CEP68: variants seen among roughly 807,000 people sequenced by gnomAD.
CEP68 encodes the protein centrosomal protein of 68 kDa.
Under a neutral mutation model 55.3 loss-of-function variants are expected in CEP68, and 26 were observed. The observed-to-expected ratio is 0.47, with a 90% CI of 0.34 to 0.65. The LOEUF is 0.65. Ranked by LOEUF, CEP68 falls within the 30% of genes least tolerant of loss-of-function variation. CEP68 has a pLI of 0.01. For synonymous variants in CEP68, 402 were observed against 383.2 expected, an observed-to-expected ratio of 1.05 and a Z score of -0.57; for missense variants, 957 against 946.7, an observed-to-expected ratio of 1.01 and a Z score of -0.14.
chr2:65,073,373 G>A (rs922942454), intron 3 of CEP68: 3 of 309,622 alleles, frequency 9.7e-6, no homozygotes, highest in Non-Finnish European at 1.9e-5. Context: ...ACAAAGGTAA[G>A]TGGCTTTCTT....
At position 65,084,827 on chromosome 2, in the gene CEP68, C is replaced by T. The variant is rs1668980878; in HGVS notation, c.*1193C>T. ...CACATAAAATGCAGTATTTCAAGTG[C>T]CTGATGCTGCTGTGGTATGCTTTAT... On this transcript the variant is annotated 3_prime_UTR_variant, in exon 7 of 7. Coordinates refer to ENST00000377990, the MANE Select transcript of CEP68 (RefSeq NM_015147.3). 1 of 152,164 alleles carries T rather than the reference C, an allele frequency of 6.6e-6. No homozygotes were observed. Among genetic ancestry groups the T allele is most frequent in the Non-Finnish European group, 1.5e-5 (1 of 68,014 alleles). 9.4% of individuals were successfully genotyped at this position (152,164 alleles called of 1,614,324 possible).
At chr2:65,061,242 G>T (rs898472723) in intron 1 of CEP68, among the ~76,000 whole-genome samples, 1 of 152,164 alleles carries the variant, frequency 6.6e-6, no homozygotes, top group Non-Finnish European at 1.5e-5. Context: ...GGCCTTGCTG[G>T]GAGGCTGTCT....
intron 5 of CEP68, chr2:65,080,556 C>A (rs371279145): frequency 2.0e-6 from 2 of 985,034 alleles, no homozygotes; most frequent in East Asian, 1.1e-4. Context: ...CAGTGGCTCA[C>A]GCCTGTAATC....
chr2:65,069,194 G>A (rs984337238), intron 1 of CEP68, among the ~76,000 whole-genome samples: 3 of 152,226 alleles, frequency 2.0e-5, no homozygotes, highest in African/African-American at 7.2e-5. Context: ...AAAGCAGAGG[G>A]GAAATGGTGT....
intron 4 of CEP68, chr2:65,075,347 G>GA (rs923760647): frequency 6.6e-6 from 1 of 151,940 alleles, no homozygotes; most frequent in Non-Finnish European, 1.5e-5. Flanking sequence ...AGGCTACAGT[G>GA]AGCCAAAATC....
chr2:65,074,138 G>A lies in CEP68; in HGVS notation c.1885-144G>A, dbSNP rs527324548. On this transcript the variant is annotated intron_variant, in intron 3 of 6. Transcript: ENST00000377990. Reference sequence around the variant, plus strand: ...TGGCAGAGGGAGGTACAGAGTCGTGGAGTCGGGACAGGTGAGCAAGGAGGA... The same window carrying A: ...TGGCAGAGGGAGGTACAGAGTCGTGAAGTCGGGACAGGTGAGCAAGGAGGA... 1.4e-4 allele frequency: 121 copies of A among 867,656 alleles called. 1 individual carries two copies. Among genetic ancestry groups the A allele is most frequent in the South Asian group, 1.8e-4 (11 of 60,234 alleles). 53.7% of individuals were successfully genotyped at this position (867,656 alleles called of 1,614,324 possible). A position where few individuals can be genotyped will look rare whatever the true frequency, so the allele number is the denominator to read the frequency against.
At chr2:65,071,378 C>T (rs1236380257) in intron 2 of CEP68, 76 bp from the exon 3 acceptor site, 1 of 1,270,536 alleles carries the variant, frequency 7.9e-7, no homozygotes, top group Admixed American at 1.8e-5. Flanking sequence ...CACAAGGAAA[C>T]TCCTGGGTTG....
At chr2:65,080,346 G>C (rs915972874) in intron 5 of CEP68, 1 of 985,064 alleles carries the variant, frequency 1.0e-6, no homozygotes, top group African/African-American at 1.8e-5. Context: ...AATCAGGAAT[G>C]TGGCTGTTTC....
chr2:65,076,421 G>A lies in CEP68; in HGVS notation c.2008-1447G>A, dbSNP rs148918454. On this transcript the variant is annotated intron_variant, in intron 4 of 6. Coordinates refer to ENST00000377990, the MANE Select transcript of CEP68 (RefSeq NM_015147.3). ...CTGAGATTTGAGCTGGGAGTCACTC[G>A]TGCAGGTCAGTGAGGCATAGGCCTC... Among the ~76,000 whole-genome samples the A allele has an allele frequency of 2.2e-4, 34 of 152,280 alleles. No individual in the cohort carries two copies. In the East Asian group the frequency reaches 6.4e-3, roughly 29 times the overall value.
In CEP68 at chr2:65,082,572, C is replaced by A; in HGVS notation, c.2141C>A (p.Ser714Tyr). ...GTCCTTGGGAGGATCGCAAAGCAGT[C>A]TGGTGAGCTGGAGAGCCACGCAGAT... is the stretch of plus-strand genomic sequence containing the variant. ...EDVLGRIAKQ[S>Y]GELESHADRL... The change falls in exon 6 of 7, where the codon TCT becomes TAT. Residue 714 changes from serine (S) to tyrosine (Y), a missense_variant. By Grantham distance (144) the Ser-to-Tyr change is moderately radical (BLOSUM62 -2). Coordinates refer to ENST00000377990, the MANE Select transcript of CEP68 (RefSeq NM_015147.3). The A allele has an allele frequency of 1.3e-6, 2 of 1,595,296 alleles. No individual in the cohort carries two copies. The highest frequency in any genetic ancestry group is 2.2e-5 in the East Asian group (1 of 44,450).
Position 65,072,827 on chromosome 2 carries a change from C to T in CEP68, c.1731C>T (p.Ser577=), listed in dbSNP as rs375795380. The part of the protein sequence containing the change: ...DSAGEGSLGS[S]QALGVSSGLL... Reference sequence around the variant, plus strand: ...CAGGGGAAGGCAGTCTGGGGAGCAGCCAGGCCCTCGGGGTCTCCTCTGGAC... The same window carrying T: ...CAGGGGAAGGCAGTCTGGGGAGCAGTCAGGCCCTCGGGGTCTCCTCTGGAC... Residue 577 remains serine, a synonymous_variant, in exon 3 of 7, where the codon AGC becomes AGT. Transcript: ENST00000377990. 3 of 1,614,082 alleles carry T rather than the reference C, an allele frequency of 1.9e-6. No homozygotes were observed. Among genetic ancestry groups the T allele is most frequent in the African/African-American group, 1.3e-5 (1 of 74,930 alleles).
chr2:65,072,223 A>G lies in CEP68; in HGVS notation c.1127A>G (p.Lys376Arg). Residue 376 changes from lysine (K) to arginine (R), a missense_variant, in exon 3 of 7, where the codon AAG (lysine) becomes AGG (arginine). Physicochemically the swap from Lys to Arg is conservative, Grantham distance 26. Coordinates refer to ENST00000377990, the MANE Select transcript of CEP68 (RefSeq NM_015147.3). Reference sequence around the variant, plus strand: ...TCTGGGCCCAGAGAGCCAAGCCTTAAGCAGTGGCCCTCCAGAGTACCCCAG... The same window carrying G: ...TCTGGGCCCAGAGAGCCAAGCCTTAGGCAGTGGCCCTCCAGAGTACCCCAG... Reference protein sequence around the residue: ...PFSGPREPSLKQWPSRVPQKQ... With the variant: ...PFSGPREPSLRQWPSRVPQKQ... The G allele has an allele frequency of 6.2e-7, 1 of 1,614,094 alleles. No homozygotes were observed. The highest frequency in any genetic ancestry group is 8.5e-7 in the Non-Finnish European group (1 of 1,180,018).
At chr2:65,080,590 G>T in intron 5 of CEP68, 1 of 960,686 alleles carries the variant, frequency 1.0e-6, no homozygotes, top group Non-Finnish European at 1.2e-6. Context: ...AGGCCAAGCG[G>T]GCAGATCACC....
chr2:65,081,860 A>C (rs995497307), intron 5 of CEP68, among the ~76,000 whole-genome samples: 3 of 152,110 alleles, frequency 2.0e-5, no homozygotes, highest in Non-Finnish European at 4.4e-5. Flanking sequence ...ACACCCGGCT[A>C]ATTTTTTTAT....
chr2:65,076,182 C>A (rs974054643), intron 4 of CEP68, among the ~76,000 whole-genome samples: 12 of 152,132 alleles, frequency 7.9e-5, no homozygotes, highest in Admixed American at 4.6e-4. Flanking sequence ...TATGCAGACT[C>A]CACGTGCATG....
intron 1 of CEP68, among the ~76,000 whole-genome samples, chr2:65,061,327 A>C (rs1307841728): frequency 6.6e-6 from 1 of 152,208 alleles, no homozygotes; most frequent in Non-Finnish European, 1.5e-5. Flanking sequence ...AGCCTAGCCC[A>C]CAGCCCTCCC....
At chr2:65,078,077 C>A in intron 5 of CEP68, 113 bp downstream of exon 5, 1 of 715,586 alleles carries the variant, frequency 1.4e-6, no homozygotes, top group Non-Finnish European at 2.3e-6. Flanking sequence ...CCTGCCCACA[C>A]CCACTGCCCG....
At position 65,071,906 on chromosome 2, in the gene CEP68, G is replaced by C. The variant is rs370946123; in HGVS notation, c.810G>C (p.Gln270His). Residue 270 changes from glutamine (Q) to histidine (H), a missense_variant, in exon 3 of 7, where the codon CAG (glutamine) becomes CAC (histidine). By Grantham distance (24) the Gln-to-His change is conservative. Transcript: ENST00000377990. ...SGLGRRRLSF[Q>H]AEYWACVLPD... Reference sequence around the variant, plus strand: ...TAGGCAGGAGACGCCTCTCCTTCCAGGCTGAGTACTGGGCCTGTGTGCTGC... The same window carrying C: ...TAGGCAGGAGACGCCTCTCCTTCCACGCTGAGTACTGGGCCTGTGTGCTGC... The C allele has an allele frequency of 3.1e-6, 5 of 1,613,124 alleles. No individual in the cohort carries two copies. The South Asian group carries it at 4.4e-5, about 14-fold the overall frequency.
chr2:65,079,431 G>A (rs2103796800), intron 5 of CEP68, among the ~76,000 whole-genome samples: 1 of 152,294 alleles, frequency 6.6e-6, no homozygotes, highest in East Asian at 1.9e-4. Flanking sequence ...AAATCTCTAG[G>A]GTTGAGAGGC....
Sources: gnomAD v4.1 joint callset for allele counts (sites outside exome capture counted in the v4.1 genomes callset) on GRCh38, gnomAD v4.1.1 for gene constraint, MANE v1.5 for transcripts, NCBI Gene and HGNC (gene_info 2026-07-23, HGNC 2026-07-21) for gene names.